The following CLIC5 variants were observed in gnomAD, a reference collection of about 807,000 sequenced individuals.
The protein encoded by CLIC5 is CLIC family member 5.
Under a neutral mutation model 24.7 loss-of-function variants are expected in CLIC5, and 20 were observed. That is an observed-to-expected ratio of 0.81 (90% CI 0.57 to 1.18). The LOEUF is 1.18. Ranked by LOEUF, CLIC5 falls within the 50% of genes most tolerant of loss-of-function variation. CLIC5 has a pLI of 0.00. For missense variants in CLIC5, 341 were observed against 326.1 expected, an observed-to-expected ratio of 1.05 and a Z score of -0.35; for synonymous variants, 159 against 135.6, an observed-to-expected ratio of 1.17 and a Z score of -1.20.
rs1762472090 is a variant in CLIC5 at position 45,900,140 on chromosome 6, C to G, written c.*2948G>C. ...TCAGAAGCAGGCATTGCTGACTAGACAGTGAATTCAACTCAGTCATTCTGA... is the reference window on the plus strand; with the variant it reads ...TCAGAAGCAGGCATTGCTGACTAGAGAGTGAATTCAACTCAGTCATTCTGA... On this transcript the variant is annotated 3_prime_UTR_variant, in exon 6 of 6. Transcript: ENST00000339561. The G allele has an allele frequency of 6.6e-6, 1 of 152,170 alleles. No individual in the cohort carries two copies. Among genetic ancestry groups the G allele is most frequent in the Admixed American group, 6.5e-5 (1 of 15,282 alleles). 9.4% of individuals were successfully genotyped at this position (152,170 alleles called of 1,614,324 possible).
chr6:46,062,049 C>A (rs1301369496), intron 1 of CLIC5, among the ~76,000 whole-genome samples: 2 of 152,212 alleles, frequency 1.3e-5, no homozygotes, highest in African/African-American at 4.8e-5. Context: ...AGCTGTAGAG[C>A]ACTTGAGATG....
intron 3 of CLIC5, among the ~76,000 whole-genome samples, chr6:45,948,824 G>A (rs1387787265): frequency 6.6e-6 from 1 of 152,046 alleles, no homozygotes; most frequent in African/African-American, 2.4e-5. Flanking sequence ...TTAAGACCCT[G>A]GATGTTGTTT....
At chr6:46,103,469 T>A in the CLIC5 span, among the ~76,000 whole-genome samples, 1 of 152,006 alleles carries the variant, frequency 6.6e-6, no homozygotes, top group African/African-American at 2.4e-5. Flanking sequence ...TTAATGAGAG[T>A]CTTACTATCT....
At chr6:45,921,900 CAG>C (rs1763276766) in intron 4 of CLIC5, among the ~76,000 whole-genome samples, 1 of 152,186 alleles carries the variant, frequency 6.6e-6, no homozygotes, top group Non-Finnish European at 1.5e-5. Context: ...GCCTCATAGC[CAG>C]AGAGGAGGAT....
the CLIC5 span, among the ~76,000 whole-genome samples, chr6:46,114,810 G>C: frequency 6.6e-6 from 1 of 152,168 alleles, no homozygotes; most frequent in African/African-American, 2.4e-5. Context: ...TCTCTGAGAG[G>C]TCCTGCATGT....
intron 1 of CLIC5, among the ~76,000 whole-genome samples, chr6:46,060,488 A>T (rs1317967658): frequency 6.6e-6 from 1 of 152,204 alleles, no homozygotes; most frequent in Admixed American, 6.5e-5. Context: ...AATTTTACAT[A>T]TATAAACTCA....
At chr6:46,126,473 A>G in the CLIC5 span, among the ~76,000 whole-genome samples, 1 of 152,178 alleles carries the variant, frequency 6.6e-6, no homozygotes, top group Non-Finnish European at 1.5e-5. Context: ...ACAATAGTTC[A>G]TGGTGGTTAA....
chr6:46,110,194 T>G, the CLIC5 span, among the ~76,000 whole-genome samples: 3 of 152,246 alleles, frequency 2.0e-5, no homozygotes, highest in Admixed American at 2.0e-4. Flanking sequence ...CCTGACCTTT[T>G]GTCCTCCACA....
At chr6:45,989,365 A>G (rs1429410938) in intron 1 of CLIC5, among the ~76,000 whole-genome samples, 2 of 152,172 alleles carry the variant, frequency 1.3e-5, no homozygotes, top group East Asian at 3.8e-4. Context: ...TTATCTCTGT[A>G]AAAAAGGTGA....
chr6:45,894,875 A>G (rs551340240), downstream of CLIC5, among the ~76,000 whole-genome samples: 9 of 152,226 alleles, frequency 5.9e-5, no homozygotes, highest in African/African-American at 2.2e-4. Context: ...TTGATAAGTA[A>G]GCAAATATTT....
the CLIC5 span, among the ~76,000 whole-genome samples, chr6:46,087,829 A>T: frequency 6.6e-6 from 1 of 152,194 alleles, no homozygotes; most frequent in Non-Finnish European, 1.5e-5. Flanking sequence ...GATAAAGACA[A>T]TGCTACATTT....
chr6:46,057,264 C>T (rs749182089), intron 1 of CLIC5, among the ~76,000 whole-genome samples: 5 of 152,184 alleles, frequency 3.3e-5, no homozygotes, highest in African/African-American at 4.8e-5. Flanking sequence ...GAGGACTGGT[C>T]TTTCCCATGC....
chr6:45,990,925 C>T (rs1467686746), intron 1 of CLIC5, among the ~76,000 whole-genome samples: 2 of 152,122 alleles, frequency 1.3e-5, no homozygotes, highest in Non-Finnish European at 2.9e-5. Context: ...AACTCAGGTT[C>T]CTTTCATGTG....
chr6:46,033,234 G>A (rs867499549), intron 1 of CLIC5, among the ~76,000 whole-genome samples: 4 of 151,226 alleles, frequency 2.6e-5, no homozygotes, highest in Non-Finnish European at 5.9e-5. Context: ...TGATCCGCCC[G>A]CCTCGGCCTC....
At position 46,044,339 on chromosome 6, in the gene CLIC5, T is replaced by C. The variant is rs376720783; in HGVS notation, c.540+35364A>G. Among the ~76,000 whole-genome samples, 161 of 152,210 alleles carry C rather than the reference T, an allele frequency of 1.1e-3. 5 individuals are homozygous for C. The South Asian group carries it at 0.03, about 28-fold the overall frequency. The stretch of plus-strand genomic sequence containing the variant: ...TTGACAGGCTCTTTTCCGAGAGTAG[T>C]ACCCAAAGAGGGTACATAAAGAGGG... On this transcript the variant is annotated intron_variant, in intron 1 of 5. Coordinates refer to the CLIC5 transcript ENST00000185206.
intron 1 of CLIC5, among the ~76,000 whole-genome samples, chr6:46,011,066 T>C (rs1766790438): frequency 6.6e-6 from 1 of 152,182 alleles, no homozygotes. Flanking sequence ...CAGAAACTTT[T>C]GGGCCACTCA....
At chr6:46,039,925 T>C (rs1581890813) in intron 1 of CLIC5, among the ~76,000 whole-genome samples, 1 of 152,242 alleles carries the variant, frequency 6.6e-6, no homozygotes, top group Admixed American at 6.5e-5. Flanking sequence ...TAAGTAACTG[T>C]AAACCCTGGC....
Position 46,028,762 on chromosome 6 carries a change from A to AT in CLIC5, c.540+50940_540+50941insA, listed in dbSNP as rs1407542696. Among the ~76,000 whole-genome samples the AT allele has an allele frequency of 2.0e-5, 3 of 152,202 alleles. No homozygotes were observed. In the East Asian group the frequency reaches 5.8e-4, roughly 29 times the overall value. ...TCCCCCATTATCAACATTCATCACC[A>AT]GAGTGGTACATTTGTTACAACTGAC... is the stretch of plus-strand genomic sequence containing the variant. On this transcript the variant is annotated intron_variant, in intron 1 of 5. Coordinates refer to the CLIC5 transcript ENST00000185206.
chr6:45,985,560 C>G (rs936905926), intron 1 of CLIC5, among the ~76,000 whole-genome samples: 3 of 152,160 alleles, frequency 2.0e-5, no homozygotes, highest in South Asian at 2.1e-4. Flanking sequence ...GACCTGCTCT[C>G]TAGCCTCACC....
Sources: allele counts gnomAD v4.1 joint callset (sites outside exome capture counted in the v4.1 genomes callset), GRCh38; gene constraint gnomAD v4.1.1; transcripts MANE v1.5; gene names NCBI Gene and HGNC (gene_info 2026-07-23, HGNC 2026-07-21).